The following CRISP3 variants were observed in gnomAD, a reference collection of about 807,000 sequenced individuals.
The protein encoded by CRISP3 is cysteine-rich secretory protein 3.
Under a neutral mutation model 36.1 loss-of-function variants are expected in CRISP3, and 33 were observed. The observed-to-expected ratio is 0.91, with a 90% CI of 0.69 to 1.22. The LOEUF is 1.22. Ranked by LOEUF, CRISP3 falls within the 50% of genes most tolerant of loss-of-function variation. The probability of loss-of-function intolerance (pLI) is 0.00; values close to 1 mark genes in which losing one functional copy is unlikely to be tolerated. For synonymous variants in CRISP3, 117 were observed against 104.6 expected (o/e 1.12, Z -0.72); for missense variants, 330 against 301.2 (o/e 1.10, Z -0.71).
In CRISP3 at chr6:49,735,563, G is replaced by A; in HGVS notation, c.257C>T (p.Ala86Val). ...ATTGCACTGGTTTGCCCACTTTTGGGCATTTGCTGCAGCCTCTTTGTTCCA... is the reference window on the plus strand; with the variant it reads ...ATTGCACTGGTTTGCCCACTTTTGGACATTTGCTGCAGCCTCTTTGTTCCA... ...MEWNKEAAAN[A>V]QKWANQCNYR... The change falls in exon 4 of 8, where the codon GCC becomes GTC. Residue 86 changes from alanine to valine, a missense_variant. Coordinates refer to ENST00000263045, the MANE Select transcript of CRISP3 (RefSeq NM_006061.4). The A allele has an allele frequency of 1.2e-6, 2 of 1,612,302 alleles. No homozygotes were observed. The highest frequency in any genetic ancestry group is 1.7e-6 in the Non-Finnish European group (2 of 1,179,050).
chr6:49,739,509 A>G (rs1173062030), intron 1 of CRISP3, among the ~76,000 whole-genome samples: 2 of 152,140 alleles, frequency 1.3e-5, no homozygotes, highest in African/African-American at 4.8e-5. Context: ...ATCCATTCCA[A>G]TGCTTTATGG....
Position 49,737,091 on chromosome 6 carries a change from G to A in CRISP3, c.111+234C>T, listed in dbSNP as rs111802648. 3.6e-4 allele frequency among the ~76,000 whole-genome samples: 54 copies of A among 152,048 alleles called. 1 individual carries two copies. The East Asian group carries it at 6.6e-3, about 19-fold the overall frequency. On this transcript the variant is annotated intron_variant, in intron 2 of 7. Coordinates refer to ENST00000263045, the MANE Select transcript of CRISP3 (RefSeq NM_006061.4). ...AAAAAAAATCTCCAAGGCAATTTGC[G>A]GGGTGGAGCAAAGTCATTTAATTAA...
Position 49,729,853 on chromosome 6 carries a change from C to T in CRISP3, c.650-996G>A, listed in dbSNP as rs375894539. Among the ~76,000 whole-genome samples the T allele has an allele frequency of 1.4e-4, 21 of 152,234 alleles. No homozygotes were observed. The East Asian group carries it at 2.5e-3, about 18-fold the overall frequency. On this transcript the variant is annotated intron_variant, in intron 7 of 7. Transcript: ENST00000263045. ...CTCCTAGCTGACTTTCATCCAATTG[C>T]TTCTTCCTACTACTGTCGGGAGCTC...
At chr6:49,737,453 C>T in intron 1 of CRISP3, 55 bp from the exon 2 acceptor site, 2 of 1,588,514 alleles carry the variant, frequency 1.3e-6, no homozygotes, top group South Asian at 1.1e-5. Context: ...TTGGTACATG[C>T]TGTTGAGTAA....
Position 49,728,777 on chromosome 6 carries a change from T to C in CRISP3, c.730A>G (p.Arg244Gly). 5 of 1,612,682 alleles carry C rather than the reference T, an allele frequency of 3.1e-6. No individual in the cohort carries two copies. Among genetic ancestry groups the C allele is most frequent in the Non-Finnish European group, 3.4e-6 (4 of 1,179,200 alleles). ...LTLTCKHQLV[R>G]DSCKASCNCS... ...TTGCAGGAGGCCTTGCAACTGTCCC[T>C]GACCAACTGATGTTTACAGGTTAAT... The change falls in exon 8 of 8, where the codon AGG (arginine) becomes GGG (glycine). Residue 244 changes from arginine (R) to glycine (G), a missense_variant. Arg to Gly is a moderately radical substitution (Grantham distance 125). Transcript: ENST00000263045.
intron 1 of CRISP3, among the ~76,000 whole-genome samples, chr6:49,741,151 C>CAAAAAAAA (rs10616289): frequency 1.5e-5 from 2 of 135,420 alleles, no homozygotes; most frequent in African/African-American, 2.7e-5. Context: ...AAAAAACCAC[C>CAAAAAAAA]AAAAAAAAAA....
intron 1 of CRISP3, among the ~76,000 whole-genome samples, chr6:49,739,877 T>C (rs1047895222): frequency 2.0e-5 from 3 of 152,230 alleles, no homozygotes; most frequent in African/African-American, 7.2e-5. Flanking sequence ...TTTCTCTTAA[T>C]TCATTTCACT....
chr6:49,729,629 T>C (rs1768865684), intron 7 of CRISP3, among the ~76,000 whole-genome samples: 1 of 152,174 alleles, frequency 6.6e-6, no homozygotes, highest in South Asian at 2.1e-4. Context: ...TATTAAACAA[T>C]TCAAGCCAGG....
At chr6:49,744,268 T>TA (rs1769277362) in intron 1 of CRISP3, 63 bp downstream of exon 1, 1 of 1,231,286 alleles carries the variant, frequency 8.1e-7, no homozygotes, top group Non-Finnish European at 1.1e-6. Context: ...TGATAAGGTA[T>TA]AAATGTGTTG....
At position 49,728,850 on chromosome 6, in the gene CRISP3, A is replaced by G. The variant is rs756662276; in HGVS notation, c.657T>C (p.Gly219=). Residue 219 remains glycine, a synonymous_variant, in exon 8 of 8, where the codon GGT becomes GGC. Transcript: ENST00000263045. ...DNCDDGLCTN[G]CKYEDLYSNC... ...TACTATAGAGATCTTCGTACTTGCA[A>G]CCATTGGCTGGAATAAAAACAAAGA... 1.1e-5 allele frequency: 17 copies of G among 1,606,380 alleles called. No homozygotes were observed. The Admixed American group carries it at 2.9e-4, about 27-fold the overall frequency.
At chr6:49,740,895 A>G (rs1769182468) in intron 1 of CRISP3, among the ~76,000 whole-genome samples, 1 of 151,856 alleles carries the variant, frequency 6.6e-6, no homozygotes, top group Non-Finnish European at 1.5e-5. Flanking sequence ...AGGTCAAGAG[A>G]TCGAGACCAT....
intron 1 of CRISP3, among the ~76,000 whole-genome samples, chr6:49,739,223 A>C (rs1012313501): frequency 2.0e-5 from 3 of 152,230 alleles, no homozygotes; most frequent in Non-Finnish European, 4.4e-5. Context: ...TGAGAGCAAA[A>C]GAGGAAAAAC....
In CRISP3 at chr6:49,728,876, A is replaced by G. The variant is rs372349899; in HGVS notation, c.650-19T>C. On this transcript the variant is annotated intron_variant, in intron 7 of 7. Transcript: ENST00000263045. ...CCATTGGCTGGAATAAAAACAAAGA[A>G]ATTAGTCACTTCATTATCATTTTCT... 3 of 1,599,146 alleles carry G rather than the reference A, an allele frequency of 1.9e-6. No homozygotes were observed. Among genetic ancestry groups the G allele is most frequent in the African/African-American group, 2.7e-5 (2 of 74,430 alleles).
In CRISP3 at chr6:49,728,133, TA is replaced by T. The variant is rs1768814138; in HGVS notation, c.*596del. On this transcript the variant is annotated 3_prime_UTR_variant, in exon 8 of 8. Coordinates refer to ENST00000263045, the MANE Select transcript of CRISP3 (RefSeq NM_006061.4). Reference sequence around the variant, plus strand: ...TATTCTACTGTAAAATTTATGCAGATAAAAAATTCAAAGGATTGTATTGATT... The same window carrying T: ...TATTCTACTGTAAAATTTATGCAGATAAAAATTCAAAGGATTGTATTGATT... 1 of 152,160 alleles carries T rather than the reference TA, an allele frequency of 6.6e-6. No individual in the cohort carries two copies. The highest frequency in any genetic ancestry group is 6.5e-5 in the Admixed American group (1 of 15,274). 9.4% of individuals were successfully genotyped at this position (152,160 alleles called of 1,614,324 possible).
intron 4 of CRISP3, among the ~76,000 whole-genome samples, chr6:49,734,668 C>T (rs538701840): frequency 3.9e-5 from 6 of 152,164 alleles, no homozygotes; most frequent in Non-Finnish European, 8.8e-5. Flanking sequence ...TCAATCTTCT[C>T]GTGACCATAG....
intron 3 of CRISP3, among the ~76,000 whole-genome samples, chr6:49,735,943 G>A (rs908545221): frequency 1.3e-5 from 2 of 152,056 alleles, no homozygotes; most frequent in African/African-American, 2.4e-5. Context: ...GTAATTAGCT[G>A]GCTTACTTCA....
intron 1 of CRISP3, 194 bp from the exon 2 acceptor site, chr6:49,737,592 G>A: frequency 1.6e-6 from 1 of 633,922 alleles, no homozygotes. Flanking sequence ...CATTCAACTG[G>A]GACTATAAAG....
rs1373423337 is a variant in CRISP3 at position 49,728,855 on chromosome 6, T to G, written c.652A>C (p.Asn218His). ...TAGAGATCTTCGTACTTGCAACCAT[T>G]GGCTGGAATAAAAACAAAGAAATTA... Reference protein sequence around the residue: ...PDNCDDGLCTNGCKYEDLYSN... With the variant: ...PDNCDDGLCTHGCKYEDLYSN... Residue 218 changes from asparagine to histidine, a missense_variant and splice_region_variant, in exon 8 of 8, where the codon AAT becomes CAT. Transcript: ENST00000263045. 1 of 1,605,240 alleles carries G rather than the reference T, an allele frequency of 6.2e-7. No homozygotes were observed. The highest frequency in any genetic ancestry group is 1.1e-5 in the South Asian group (1 of 88,872).
At chr6:49,736,660 T>C (rs1316262620) in intron 2 of CRISP3, among the ~76,000 whole-genome samples, 153 bp from the exon 3 acceptor site, 1 of 152,222 alleles carries the variant, frequency 6.6e-6, no homozygotes, top group African/African-American at 2.4e-5. Flanking sequence ...TATGACTTTT[T>C]AATGGAAAAG....
Sources: allele counts gnomAD v4.1 joint callset (sites outside exome capture counted in the v4.1 genomes callset), GRCh38; gene constraint gnomAD v4.1.1; transcripts MANE v1.5; gene names NCBI Gene and HGNC (gene_info 2026-07-23, HGNC 2026-07-21).